The following F13A1 variants were observed in gnomAD, a reference collection of about 807,000 sequenced individuals.
The protein encoded by F13A1 is coagulation factor XIII A chain, also known as FSF, A subunit.
In F13A1, 47 loss-of-function variants were observed where a neutral mutation model predicts 80.1. The ratio of observed to expected loss-of-function variants is 0.59; its 90% CI spans 0.46 to 0.75. F13A1 has a LOEUF of 0.75. F13A1 is among the 30% of genes least tolerant of loss of function. The pLI is 0.00. For synonymous variants in F13A1, 349 were observed against 344.9 expected, an observed-to-expected ratio of 1.01 and a Z score of -0.13; for missense variants, 817 against 930.4, an observed-to-expected ratio of 0.88 and a Z score of 1.59.
intron 3 of F13A1, among the ~76,000 whole-genome samples, chr6:6,292,060 T>C (rs1311099683): frequency 2.6e-5 from 4 of 152,174 alleles, no homozygotes; most frequent in Non-Finnish European, 4.4e-5. Flanking sequence ...GTCCCAGCAC[T>C]TTCCAGGTGT....
chr6:6,272,410 G>T (rs904001947), intron 3 of F13A1, among the ~76,000 whole-genome samples: 2 of 152,094 alleles, frequency 1.3e-5, no homozygotes, highest in African/African-American at 4.8e-5. Context: ...AGGAGGGTTG[G>T]TATCAGTGAC....
chr6:6,277,825 A>T (rs1758009084), intron 3 of F13A1, among the ~76,000 whole-genome samples: 1 of 152,236 alleles, frequency 6.6e-6, no homozygotes, highest in Non-Finnish European at 1.5e-5. Context: ...ATGCATGTTT[A>T]TTCAGTATGC....
intron 13 of F13A1, among the ~76,000 whole-genome samples, chr6:6,164,189 A>G (rs763876292): frequency 1.3e-5 from 2 of 152,196 alleles, no homozygotes; most frequent in Admixed American, 6.5e-5. Context: ...GCATATGAAA[A>G]AAAAAGCCCA....
At chr6:6,206,272 C>T (rs911304681) in intron 8 of F13A1, 5 of 321,462 alleles carry the variant, frequency 1.6e-5, no homozygotes, top group Admixed American at 4.4e-5. Flanking sequence ...AATTACATTA[C>T]ATTCAGTATA....
chr6:6,276,554 G>A (rs1757990164), intron 3 of F13A1, among the ~76,000 whole-genome samples: 1 of 152,148 alleles, frequency 6.6e-6, no homozygotes, highest in African/African-American at 2.4e-5. Context: ...TCACCTTTAA[G>A]GGTTATGTCC....
intron 3 of F13A1, among the ~76,000 whole-genome samples, chr6:6,286,719 G>C (rs562502827): frequency 1.3e-5 from 2 of 152,258 alleles, no homozygotes; most frequent in East Asian, 3.9e-4. Context: ...GGAAGAGCAA[G>C]ACAGAAACAG....
rs1200761026 is a variant in F13A1 at position 6,174,710 on chromosome 6, G to A, written c.1617C>T (p.Thr539=). ...AACGGTTGTGGCTGTTGTTCCGGAA[G>A]GTGATGGAGAGCTTGAAGTCTTTTC... ...VLGKDFKLSI[T]FRNNSHNRYT... The change falls in exon 12 of 15, where the codon ACC becomes ACT. Residue 539 remains threonine (T), a synonymous_variant. Coordinates refer to ENST00000264870, the MANE Select transcript of F13A1 (RefSeq NM_000129.4). 3 of 1,614,064 alleles carry A rather than the reference G, an allele frequency of 1.9e-6. No individual in the cohort carries two copies. The highest frequency in any genetic ancestry group is 1.7e-5 in the Admixed American group (1 of 60,006).
In F13A1 at chr6:6,174,638, C is replaced by T. The variant is rs58315745; in HGVS notation, c.1689G>A (p.Gly563=). The part of the protein sequence containing the change: ...YLSANITFYT[G]VPKAEFKKET... ...CCTTCTTGAATTCTGCCTTCGGGAC[C>T]CCGGTGTAGAAGGTGATGTTGGCTG... is the stretch of plus-strand genomic sequence containing the variant. Residue 563 remains glycine, a synonymous_variant, in exon 12 of 15, where the codon GGG becomes GGA. Coordinates refer to ENST00000264870, the MANE Select transcript of F13A1 (RefSeq NM_000129.4). The T allele has an allele frequency of 1.6e-3, 2,533 of 1,614,108 alleles. 36 individuals are homozygous for T. The African/African-American group carries it at 0.031, about 20-fold the overall frequency.
chr6:6,206,396 C>T (rs766975620), intron 8 of F13A1: 1 of 453,030 alleles, frequency 2.2e-6, no homozygotes, highest in African/African-American at 2.0e-5. Flanking sequence ...AACATGATTC[C>T]ATTGCCATAT....
chr6:6,319,060 C>A (rs1043095651), intron 1 of F13A1, among the ~76,000 whole-genome samples: 3 of 152,194 alleles, frequency 2.0e-5, no homozygotes, highest in Non-Finnish European at 4.4e-5. Context: ...TATCTATGTT[C>A]ATTTCATACA....
intron 4 of F13A1, among the ~76,000 whole-genome samples, chr6:6,251,844 C>T (rs928949656): frequency 5.9e-5 from 9 of 152,098 alleles, no homozygotes; most frequent in African/African-American, 1.9e-4. Context: ...AACTTCGTAA[C>T]GGGTGGATGA....
rs1050783 is a variant in F13A1, at chr6:6,145,459, C to T, written c.*160G>A. On this transcript the variant is annotated 3_prime_UTR_variant, in exon 15 of 15. Transcript: ENST00000264870. ...GCCGAATAGCCTGGGTTTGGAAAAG[C>T]ATGTTTTTGAAATATGTGGGATCTC... 0.16 allele frequency: 141,587 copies of T among 882,710 alleles called. 12,607 individuals carry two copies. Among genetic ancestry groups the T allele is most frequent in the African/African-American group, 0.25 (15,037 of 60,388 alleles). 54.7% of individuals were successfully genotyped at this position (882,710 alleles called of 1,614,324 possible).
At chr6:6,154,231 A>G (rs370781228) in intron 13 of F13A1, among the ~76,000 whole-genome samples, 17 of 151,982 alleles carry the variant, frequency 1.1e-4, no homozygotes, top group South Asian at 4.1e-4. Context: ...CACACTGACA[A>G]GACTGAGAAT....
chr6:6,150,902 GA>G (rs753505571), intron 14 of F13A1, among the ~76,000 whole-genome samples: 13 of 152,108 alleles, frequency 8.5e-5, no homozygotes, highest in Non-Finnish European at 1.3e-4. Context: ...ATAAAGTCAG[GA>G]CAGATATTTG....
rs1757514376 is a variant in F13A1 at position 6,243,529 on chromosome 6, C to T, written c.798+4783G>A. Among the ~76,000 whole-genome samples the T allele has an allele frequency of 6.6e-6, 1 of 152,308 alleles. No individual in the cohort carries two copies. The highest frequency in any genetic ancestry group is 6.5e-5 in the Admixed American group (1 of 15,298). On this transcript the variant is annotated intron_variant, in intron 6 of 14. Transcript: ENST00000264870. This position sits in a 1 kb window ranked among gnomAD's most constrained non-coding sequence, Gnocchi z 4.2. Reference sequence around the variant, plus strand: ...TAATTTGCCTCATCTGGGCTCCATTCCCTTGGGGCTCTCTTCTTTTCTAGG... The same window carrying T: ...TAATTTGCCTCATCTGGGCTCCATTTCCTTGGGGCTCTCTTCTTTTCTAGG...
At chr6:6,311,065 T>C (rs1742942) in intron 2 of F13A1, among the ~76,000 whole-genome samples, 110,971 of 151,574 alleles carry the variant, frequency 0.73, 41,033 homozygotes, top group East Asian at 0.86. Flanking sequence ...AAAGTATCAT[T>C]GTCTCTTTGT....
chr6:6,201,228 T>G (rs1761388057), intron 8 of F13A1, among the ~76,000 whole-genome samples: 1 of 152,228 alleles, frequency 6.6e-6, no homozygotes, highest in Non-Finnish European at 1.5e-5. Context: ...TTGAGGATAA[T>G]ATTTCTTTTC....
intron 3 of F13A1, among the ~76,000 whole-genome samples, chr6:6,295,629 T>C (rs1258917446): frequency 1.4e-5 from 2 of 143,424 alleles, no homozygotes; most frequent in African/African-American, 2.9e-5. Flanking sequence ...GAGTTCATTG[T>C]AGATTCTGGA....
chr6:6,185,196 T>C (rs1410679878), intron 10 of F13A1, among the ~76,000 whole-genome samples: 1 of 151,630 alleles, frequency 6.6e-6, no homozygotes, highest in Admixed American at 6.6e-5. Context: ...TAGTTACATA[T>C]GTATACATGT....
Sources: allele counts gnomAD v4.1 joint callset (sites outside exome capture counted in the v4.1 genomes callset), GRCh38; gene constraint gnomAD v4.1.1; non-coding constraint Gnocchi (gnomAD v3.1); transcripts MANE v1.5; gene names NCBI Gene and HGNC (gene_info 2026-07-23, HGNC 2026-07-21).